The following PAWR variants were observed in gnomAD, a reference collection of about 807,000 sequenced individuals.
PAWR encodes the protein PRKC apoptosis WT1 regulator protein.
In PAWR, 23 loss-of-function variants were observed where a neutral mutation model predicts 32.0. The ratio of observed to expected loss-of-function variants is 0.72; its 90% CI spans 0.52 to 1.02. The LOEUF (loss-of-function observed/expected upper bound fraction) is 1.02. Among genes scored for constraint, PAWR ranks in the 50% least tolerant of loss-of-function variants. The pLI is 0.00. For synonymous variants in PAWR, 226 were observed against 187.1 expected (o/e 1.21, Z -1.70); for missense variants, 457 against 437.7 (o/e 1.04, Z -0.39).
At chr12:79,601,877 TAA>T (rs1565997911) in intron 4 of PAWR, among the ~76,000 whole-genome samples, 1 of 152,186 alleles carries the variant, frequency 6.6e-6, no homozygotes, top group African/African-American at 2.4e-5. Context: ...GAGAATTTTT[TAA>T]AAAGTTTCAC....
rs1873504412 is a variant in PAWR, at chr12:79,590,119, T to C, written c.*2488A>G. On this transcript the variant is annotated 3_prime_UTR_variant, in exon 7 of 7. Transcript: ENST00000328827. Reference sequence around the variant, plus strand: ...TAAGGCTCCTGTCTTTACGCTATCATTAAAGGCCAAAAAAATCACTGCTAG... The same window carrying C: ...TAAGGCTCCTGTCTTTACGCTATCACTAAAGGCCAAAAAAATCACTGCTAG... 1 of 152,052 alleles carries C rather than the reference T, an allele frequency of 6.6e-6. No individual in the cohort carries two copies. The highest frequency in any genetic ancestry group is 2.4e-5 in the African/African-American group (1 of 41,402). 9.4% of individuals were successfully genotyped at this position (152,052 alleles called of 1,614,324 possible).
intron 2 of PAWR, among the ~76,000 whole-genome samples, chr12:79,643,302 C>A (rs999611294): frequency 1.3e-5 from 2 of 152,034 alleles, no homozygotes; most frequent in Non-Finnish European, 2.9e-5. Context: ...TGGCACCCTG[C>A]AGATTATATG....
chr12:79,681,159 GAGGGGAGGAA>G (rs1878427934), intron 2 of PAWR, among the ~76,000 whole-genome samples: 2 of 127,430 alleles, frequency 1.6e-5, no homozygotes, highest in African/African-American at 5.7e-5. Flanking sequence ...GAGGGGAGGG[GAGGGGAGGAA>G]AGGAAAGGAA....
intron 2 of PAWR, among the ~76,000 whole-genome samples, chr12:79,630,467 T>C (rs1007353785): frequency 2.0e-5 from 3 of 152,212 alleles, no homozygotes; most frequent in Admixed American, 2.0e-4. Flanking sequence ...ACTTGGCTAA[T>C]TTTTGTATTT....
intron 2 of PAWR, among the ~76,000 whole-genome samples, chr12:79,651,784 T>C (rs781134821): frequency 6.6e-6 from 1 of 152,140 alleles, no homozygotes; most frequent in Non-Finnish European, 1.5e-5. Flanking sequence ...TCTAAACCAT[T>C]TGTAAGCCGA....
At chr12:79,686,578 A>G (rs1175228237) in intron 2 of PAWR, among the ~76,000 whole-genome samples, 1 of 152,212 alleles carries the variant, frequency 6.6e-6, no homozygotes, top group Non-Finnish European at 1.5e-5. Context: ...AATTAGCATG[A>G]GCAAACATTT....
intron 2 of PAWR, among the ~76,000 whole-genome samples, chr12:79,660,911 T>C (rs73345536): frequency 0.025 from 3,834 of 151,722 alleles, 169 homozygotes; most frequent in African/African-American, 0.084. Flanking sequence ...AGTATATAAT[T>C]ATATAGACTA....
intron 2 of PAWR, among the ~76,000 whole-genome samples, chr12:79,628,797 GA>G (rs1005918271): frequency 9.2e-5 from 14 of 151,948 alleles, no homozygotes; most frequent in Non-Finnish European, 1.9e-4. Flanking sequence ...AGTGATTAAA[GA>G]AAAAATGATA....
At chr12:79,681,597 TAAG>T (rs1251719042) in intron 2 of PAWR, among the ~76,000 whole-genome samples, 1 of 152,106 alleles carries the variant, frequency 6.6e-6, no homozygotes, top group East Asian at 1.9e-4. Context: ...TTCAAAAAAA[TAAG>T]AATAGAAACA....
Position 79,663,427 on chromosome 12 carries a change from A to G in PAWR, c.516+26302T>C, listed in dbSNP as rs144768296. On this transcript the variant is annotated intron_variant, in intron 2 of 6. Transcript: ENST00000328827. ...GGGAAGATTTTTTAAATGTAGATTC[A>G]TCAGTCCTGTCATAGATTCATTAAA... is the stretch of plus-strand genomic sequence containing the variant. 1.3e-3 allele frequency among the ~76,000 whole-genome samples: 197 copies of G among 152,312 alleles called. 2 individuals are homozygous for G. Among genetic ancestry groups the G allele is most frequent in the African/African-American group, 4.6e-3 (193 of 41,570 alleles).
At position 79,590,189 on chromosome 12, in the gene PAWR, A is replaced by T. The variant is rs1465598433; in HGVS notation, c.*2418T>A. The stretch of plus-strand genomic sequence containing the variant: ...CTTAAACAGCTCAGTCTTTAAAAGT[A>T]TTAATAATTTTTTTTTTTTTTTTTT... On this transcript the variant is annotated 3_prime_UTR_variant, in exon 7 of 7. Coordinates refer to ENST00000328827, the MANE Select transcript of PAWR (RefSeq NM_002583.4). 6.6e-6 allele frequency: 1 copy of T among 151,072 alleles called. No homozygotes were observed. The allele number at this position is 151,072 out of a possible 1,614,324, so 9.4% of individuals were successfully genotyped here.
chr12:79,660,203 A>G (rs921583882), intron 2 of PAWR, among the ~76,000 whole-genome samples: 3 of 152,228 alleles, frequency 2.0e-5, no homozygotes, highest in African/African-American at 7.2e-5. Flanking sequence ...ATCCCAGTCA[A>G]GAGTAGCCAA....
At chr12:79,599,149 T>C (rs73136660) in intron 4 of PAWR, among the ~76,000 whole-genome samples, 5,637 of 152,328 alleles carry the variant, frequency 0.037, 147 homozygotes, top group Non-Finnish European at 0.053. Flanking sequence ...AACTGGTTTC[T>C]TGTCTTGCAA....
chr12:79,613,977 A>T (rs1319131591), intron 3 of PAWR, among the ~76,000 whole-genome samples: 2 of 8,858 alleles, frequency 2.3e-4, no homozygotes, highest in African/African-American at 1.5e-3. Context: ...ATATATATAT[A>T]TATTTTTTTT....
At chr12:79,614,330 CCTTT>C (rs1455588860) in intron 3 of PAWR, among the ~76,000 whole-genome samples, 2 of 151,252 alleles carry the variant, frequency 1.3e-5, no homozygotes, top group Non-Finnish European at 2.9e-5. Flanking sequence ...TATATATCTC[CCTTT>C]GTCTTTTTTA....
chr12:79,598,104 G>A (rs1046054855), intron 4 of PAWR: 8 of 152,146 alleles, frequency 5.3e-5, no homozygotes, highest in Non-Finnish European at 7.3e-5. Flanking sequence ...CTGCAGTGTC[G>A]GTCATAACGC....
chr12:79,666,725 A>G (rs1054704549), intron 2 of PAWR, among the ~76,000 whole-genome samples: 2 of 152,238 alleles, frequency 1.3e-5, no homozygotes, highest in African/African-American at 2.4e-5. Flanking sequence ...TGTTATTTAT[A>G]TAAACATGCA....
intron 2 of PAWR, among the ~76,000 whole-genome samples, chr12:79,654,189 T>A (rs1286252632): frequency 5.3e-5 from 8 of 152,196 alleles, no homozygotes; most frequent in Non-Finnish European, 2.9e-5. Flanking sequence ...CATCAAATGA[T>A]TAAATTTTAA....
chr12:79,630,016 A>G (rs1391823884), intron 2 of PAWR, among the ~76,000 whole-genome samples: 1 of 152,100 alleles, frequency 6.6e-6, no homozygotes, highest in East Asian at 1.9e-4. Flanking sequence ...TTAGAAAAAA[A>G]GAAGTCTCAA....
Sources: allele counts gnomAD v4.1 joint callset (sites outside exome capture counted in the v4.1 genomes callset), GRCh38; gene constraint gnomAD v4.1.1; transcripts MANE v1.5; gene names NCBI Gene and HGNC (gene_info 2026-07-23, HGNC 2026-07-21).